The following DIAPH2 variants were observed in gnomAD, a reference collection of about 807,000 sequenced individuals.
The protein encoded by DIAPH2 is protein diaphanous homolog 2.
In DIAPH2, 35 loss-of-function variants were observed where a neutral mutation model predicts 92.7. The ratio of observed to expected loss-of-function variants is 0.38; its 90% CI spans 0.29 to 0.50. The LOEUF (loss-of-function observed/expected upper bound fraction) is 0.50. Ranked by LOEUF, DIAPH2 falls within the 20% of genes least tolerant of loss-of-function variation. The pLI is 0.94. For synonymous variants in DIAPH2, 301 were observed against 280.4 expected (o/e 1.07, Z -0.73); for missense variants, 701 against 819.5 (o/e 0.86, Z 1.77).
chrX:96,859,798 C>T (rs1417069375), intron 4 of DIAPH2, among the ~76,000 whole-genome samples: 6 of 109,679 alleles, frequency 5.5e-5, no homozygotes, highest in Non-Finnish European at 9.5e-5. Context: ...CCCACCACCA[C>T]GCCCGGCTAA....
intron 26 of DIAPH2, chrX:97,533,347 G>C (rs2071073898): frequency 9.0e-6 from 1 of 111,508 alleles, no homozygotes; most frequent in Non-Finnish European, 1.9e-5. Context: ...GCAAGATCCA[G>C]TCCAGAATCA....
At chrX:97,568,782 CTA>C (rs1427151865) in intron 26 of DIAPH2, among the ~76,000 whole-genome samples, 1 of 111,766 alleles carries the variant, frequency 8.9e-6, no homozygotes, top group Non-Finnish European at 1.9e-5. Flanking sequence ...TCTAGTCACA[CTA>C]TGTTTGTGGC....
At chrX:97,370,478 C>T (rs192899576) in intron 24 of DIAPH2, among the ~76,000 whole-genome samples, 220 of 111,884 alleles carry the variant, frequency 2.0e-3, no homozygotes, top group Non-Finnish European at 3.2e-3. Context: ...ACAGTACTAA[C>T]CATGAATTAG....
At chrX:96,926,538 G>A (rs942985367) in intron 9 of DIAPH2, among the ~76,000 whole-genome samples, 2 of 111,053 alleles carry the variant, frequency 1.8e-5, no homozygotes, top group African/African-American at 3.3e-5. Context: ...ACAGCATCTG[G>A]TGACTAAAGA....
chrX:97,219,701 A>G (rs1260659548), intron 22 of DIAPH2, among the ~76,000 whole-genome samples: 2 of 111,892 alleles, frequency 1.8e-5, no homozygotes, highest in African/African-American at 3.2e-5. Context: ...TCAATAATAA[A>G]ATAGATGGAA....
At chrX:97,331,979 T>C (rs1243925267) in intron 23 of DIAPH2, among the ~76,000 whole-genome samples, 1 of 111,682 alleles carries the variant, frequency 9.0e-6, no homozygotes, top group Non-Finnish European at 1.9e-5. Context: ...GTCATTGAGA[T>C]AGTTTACTGT....
intron 17 of DIAPH2, among the ~76,000 whole-genome samples, chrX:97,002,979 C>T (rs1220471764): frequency 9.0e-6 from 1 of 111,698 alleles, no homozygotes; most frequent in Non-Finnish European, 1.9e-5. Flanking sequence ...CATCGTTCTA[C>T]TATCTATCTC....
At chrX:97,216,057 G>C (rs1330308259) in intron 22 of DIAPH2, among the ~76,000 whole-genome samples, 1 of 112,010 alleles carries the variant, frequency 8.9e-6, no homozygotes, top group Non-Finnish European at 1.9e-5. Context: ...AACAGCCGAT[G>C]TATCAGTCTA....
At chrX:97,300,958 AAAAAAAAG>A (rs1294277708) in intron 23 of DIAPH2, among the ~76,000 whole-genome samples, 42 of 60,985 alleles carry the variant, frequency 6.9e-4, no homozygotes, top group Non-Finnish European at 8.8e-4. Flanking sequence ...AAAAAAAAAA[AAAAAAAAG>A]AAGAAGAAGA....
intron 3 of DIAPH2, among the ~76,000 whole-genome samples, chrX:96,743,294 C>T (rs2064130852): frequency 9.1e-6 from 1 of 110,320 alleles, no homozygotes; most frequent in Admixed American, 9.7e-5. Context: ...ATGTGACCCA[C>T]ATAATCATTA....
chrX:96,955,301 T>C (rs1295333349), intron 15 of DIAPH2, among the ~76,000 whole-genome samples: 1 of 111,577 alleles, frequency 9.0e-6, no homozygotes, highest in East Asian at 2.8e-4. Flanking sequence ...AACTCAGAAT[T>C]ATCAATTATT....
intron 4 of DIAPH2, among the ~76,000 whole-genome samples, chrX:96,839,548 A>T (rs997884167): frequency 4.5e-5 from 5 of 111,792 alleles, no homozygotes; most frequent in Non-Finnish European, 9.4e-5. Flanking sequence ...CTATGCTAAT[A>T]AGTGACTTCT....
chrX:97,441,675 G>A (rs2147787082), intron 26 of DIAPH2, among the ~76,000 whole-genome samples: 1 of 111,553 alleles, frequency 9.0e-6, no homozygotes, highest in Admixed American at 9.5e-5. Flanking sequence ...AATTAGCCGG[G>A]CGTGGTGGCA....
chrX:97,438,169 G>A (rs1431051371), intron 26 of DIAPH2, among the ~76,000 whole-genome samples: 1 of 105,416 alleles, frequency 9.5e-6, no homozygotes, highest in African/African-American at 3.4e-5. Flanking sequence ...AAGACCAAGA[G>A]TAGAGAGAAT....
chrX:97,501,172 C>G (rs1001992347), intron 26 of DIAPH2, among the ~76,000 whole-genome samples: 1 of 110,083 alleles, frequency 9.1e-6, no homozygotes, highest in South Asian at 3.9e-4. Context: ...TTTTTACGTA[C>G]AGAGCTAGTC....
intron 26 of DIAPH2, among the ~76,000 whole-genome samples, chrX:97,508,966 C>CAA (rs746884017): frequency 6.9e-5 from 7 of 101,756 alleles, no homozygotes; most frequent in African/African-American, 1.8e-4. Flanking sequence ...ACAACAACAA[C>CAA]AAAAAAAAAA....
intron 26 of DIAPH2, among the ~76,000 whole-genome samples, chrX:97,488,820 T>C (rs1196258623): frequency 8.9e-6 from 1 of 112,121 alleles, no homozygotes; most frequent in Non-Finnish European, 1.9e-5. Context: ...TCTGTTTTTA[T>C]GTCAGTCCCA....
chrX:97,597,952 G>C (rs890072384), intron 26 of DIAPH2, among the ~76,000 whole-genome samples: 1 of 111,294 alleles, frequency 9.0e-6, no homozygotes, highest in Non-Finnish European at 1.9e-5. Flanking sequence ...TTTATGGCTG[G>C]TTGGCTCAGG....
At chrX:97,251,137 C>T (rs968633674) in intron 23 of DIAPH2, among the ~76,000 whole-genome samples, 4 of 111,433 alleles carry the variant, frequency 3.6e-5, no homozygotes, top group African/African-American at 9.8e-5. Context: ...TTGACCCATT[C>T]GAAGGTTCAT....
Sources: allele counts gnomAD v4.1 joint callset (sites outside exome capture counted in the v4.1 genomes callset), GRCh38; gene constraint gnomAD v4.1.1; transcripts MANE v1.5; gene names NCBI Gene and HGNC (gene_info 2026-07-23, HGNC 2026-07-21).